Variants in USP28 observed in about 807,000 individuals in gnomAD.
USP28 encodes ubiquitin specific peptidase 28.
In USP28, 113 loss-of-function variants were observed where a neutral mutation model predicts 145.0. That is an observed-to-expected ratio of 0.78 (90% CI 0.67 to 0.91). The LOEUF (loss-of-function observed/expected upper bound fraction) is 0.91. Among genes scored for constraint, USP28 ranks in the 40% least tolerant of loss-of-function variants. The probability of loss-of-function intolerance (pLI) is 0.00; values close to 1 mark genes in which losing one functional copy is unlikely to be tolerated. For missense variants in USP28, 1,201 were observed against 1,289.6 expected (o/e 0.93, Z 1.05); for synonymous variants, 447 against 450.9 (o/e 0.99, Z 0.11).
exon 1 of USP28, chr11:113,875,509 G>A (rs1439492641): frequency 1.7e-6 from 2 of 1,164,314 alleles, no homozygotes; most frequent in African/African-American, 1.6e-5. Flanking sequence ...CATGGCCGAG[G>A]CGCCCAGCCG....
At chr11:113,815,049 C>G (rs889019502) in intron 14 of USP28, 125 bp downstream of exon 14, 2 of 863,322 alleles carry the variant, frequency 2.3e-6, no homozygotes, top group African/African-American at 3.4e-5. Flanking sequence ...GAGACTCCAT[C>G]TCGGCGGGGG....
At chr11:113,849,678 G>A (rs1946254293) in intron 3 of USP28, among the ~76,000 whole-genome samples, 2 of 152,264 alleles carry the variant, frequency 1.3e-5, no homozygotes, top group African/African-American at 4.8e-5. Context: ...GCAGAGATGG[G>A]CTGAGTCTAG....
At chr11:113,804,914 T>C (rs757612167) in exon 20 of USP28, 63 of 1,614,078 alleles carry the variant, frequency 3.9e-5, no homozygotes, top group Non-Finnish European at 5.3e-5. Flanking sequence ...TCCAGAAGGG[T>C]TCGTTCTACT....
At chr11:113,823,389 C>G (rs1942910714) in intron 12 of USP28, among the ~76,000 whole-genome samples, 1 of 152,150 alleles carries the variant, frequency 6.6e-6, no homozygotes, top group African/African-American at 2.4e-5. Context: ...CTGTGTGACT[C>G]TGAGTCACTT....
chr11:113,870,170 AAAAC>A (rs1948677167), intron 1 of USP28, among the ~76,000 whole-genome samples: 1 of 152,086 alleles, frequency 6.6e-6, no homozygotes, highest in South Asian at 2.1e-4. Flanking sequence ...CTCAAAAAAC[AAAAC>A]AAGAAAAAAG....
At chr11:113,829,413 C>A in intron 9 of USP28, 68 bp from the exon 10 acceptor site, 1 of 1,572,884 alleles carries the variant, frequency 6.4e-7, no homozygotes, top group Non-Finnish European at 8.6e-7. Context: ...CTTCTGGCTC[C>A]ACAGAGACAA....
chr11:113,866,306 A>G (rs932801805), intron 1 of USP28, among the ~76,000 whole-genome samples: 2 of 152,164 alleles, frequency 1.3e-5, no homozygotes, highest in Non-Finnish European at 2.9e-5. Context: ...AAAAAAAAAG[A>G]AAAAAGAAAT....
intron 3 of USP28, among the ~76,000 whole-genome samples, chr11:113,842,501 C>T (rs1217726798): frequency 4.0e-5 from 6 of 150,982 alleles, no homozygotes; most frequent in African/African-American, 1.2e-4. Flanking sequence ...GGGAGAATGG[C>T]GTAAACCCGG....
intron 15 of USP28, among the ~76,000 whole-genome samples, chr11:113,813,446 G>A (rs959490914): frequency 1.3e-5 from 2 of 152,102 alleles, no homozygotes; most frequent in African/African-American, 4.8e-5. Context: ...AAGAATTTCT[G>A]TCCTAACTCT....
chr11:113,874,834 AG>A, intron 1 of USP28: 1 of 1,032,556 alleles, frequency 9.7e-7, no homozygotes, highest in Non-Finnish European at 1.2e-6. Context: ...GATCATCATC[AG>A]TAGACTTTCT....
intron 3 of USP28, among the ~76,000 whole-genome samples, chr11:113,850,171 T>TA (rs1946304664): frequency 6.6e-6 from 1 of 152,140 alleles, no homozygotes. Context: ...TATAAATAGG[T>TA]AAAAAATTAT....
At chr11:113,874,507 G>T (rs1274376264) in intron 1 of USP28, 2 of 1,282,696 alleles carry the variant, frequency 1.6e-6, no homozygotes, top group Admixed American at 4.7e-5. Context: ...AGGTATAAAA[G>T]GATTCTCACC....
intron 17 of USP28, 53 bp from the exon 18 acceptor site, chr11:113,808,490 C>T: frequency 6.3e-7 from 1 of 1,590,156 alleles, no homozygotes; most frequent in South Asian, 1.1e-5. Flanking sequence ...TAGTCTAGAA[C>T]ACTCAGATAA....
intron 18 of USP28, among the ~76,000 whole-genome samples, 179 bp downstream of exon 19, chr11:113,807,772 A>G (rs751322790): frequency 7.2e-5 from 11 of 152,174 alleles, no homozygotes; most frequent in Non-Finnish European, 1.5e-4. Flanking sequence ...GCGCTATACA[A>G]TAGAAACATG....
intron 3 of USP28, among the ~76,000 whole-genome samples, chr11:113,852,298 G>T (rs1946556077): frequency 6.6e-6 from 1 of 152,224 alleles, no homozygotes; most frequent in African/African-American, 2.4e-5. Context: ...AAAGTGCTGG[G>T]ATTACAGGCA....
intron 1 of USP28, among the ~76,000 whole-genome samples, chr11:113,867,909 T>C (rs1221937728): frequency 6.6e-6 from 1 of 151,258 alleles, no homozygotes; most frequent in Non-Finnish European, 1.5e-5. Context: ...AAAAAGAAAA[T>C]GTTGTTTAGA....
At chr11:113,815,404 C>T (rs908792490) in intron 13 of USP28, 22 bp from the exon 14 acceptor site, 2 of 1,601,738 alleles carry the variant, frequency 1.2e-6, no homozygotes, top group Non-Finnish European at 8.5e-7. Flanking sequence ...AAAAATCATG[C>T]TCATATGATA....
At chr11:113,816,523 C>T (rs896396430) in intron 13 of USP28, among the ~76,000 whole-genome samples, 1 of 151,932 alleles carries the variant, frequency 6.6e-6, no homozygotes, top group Admixed American at 6.6e-5. Flanking sequence ...AAAAAACAAA[C>T]AAACAAACAA....
At chr11:113,809,149 T>C in exon 17 of USP28, 1 of 1,614,232 alleles carries the variant, frequency 6.2e-7, no homozygotes, top group East Asian at 2.2e-5. Flanking sequence ...TTCCCACTCC[T>C]CTACTTCCTG....
Sources: gnomAD v4.1 joint callset for allele counts (sites outside exome capture counted in the v4.1 genomes callset) on GRCh38, gnomAD v4.1.1 for gene constraint, MANE v1.5 for transcripts, NCBI Gene and HGNC (gene_info 2026-07-23, HGNC 2026-07-21) for gene names.